RASGRF1: variants seen among roughly 807,000 people sequenced by gnomAD.
The protein encoded by RASGRF1 is ras-specific guanine nucleotide-releasing factor 1.
In RASGRF1, 40 loss-of-function variants were observed where a neutral mutation model predicts 138.7. That is an observed-to-expected ratio of 0.29 (90% CI 0.22 to 0.38). The LOEUF (loss-of-function observed/expected upper bound fraction) is 0.38. Among genes scored for constraint, RASGRF1 ranks in the 10% least tolerant of loss-of-function variants. RASGRF1 has a pLI of 1.00. For synonymous variants in RASGRF1, 614 were observed against 663.2 expected (o/e 0.93, Z 1.14); for missense variants, 1,108 against 1,650.4 (o/e 0.67, Z 5.69).
Position 78,961,602 on chromosome 15 carries a change from A to C in RASGRF1, c.*542T>G, listed in dbSNP as rs1351443399. 6.5e-6 allele frequency: 1 copy of C among 154,736 alleles called. No homozygotes were observed. The highest frequency in any genetic ancestry group is 2.4e-5 in the African/African-American group (1 of 41,470). The allele number at this position is 154,736 out of a possible 1,614,324, so 9.6% of individuals were successfully genotyped here. ...TTCCGTCCAGGTTACTGGGAGACAC[A>C]TGGGGAGTTTTGAGACCTGCGATTT... On this transcript the variant is annotated 3_prime_UTR_variant, in exon 27 of 27. Transcript: ENST00000558480.
intron 14 of RASGRF1, chr15:79,005,718 TCTCC>T (rs3833003): frequency 0.25 from 142,938 of 566,772 alleles, 30,015 homozygotes; most frequent in East Asian, 0.76. Flanking sequence ...AAGAGTCCTT[TCTCC>T]CTCCCTCCCT....
chr15:79,002,938 G>A (rs953145349), intron 15 of RASGRF1, among the ~76,000 whole-genome samples: 14 of 152,234 alleles, frequency 9.2e-5, no homozygotes, highest in African/African-American at 2.7e-4. Flanking sequence ...ACGTGGGTGC[G>A]TGCGTGTGTG....
chr15:79,004,250 G>A (rs745372227), intron 14 of RASGRF1, 75 bp from the exon 15 acceptor site: 107 of 1,482,716 alleles, frequency 7.2e-5, no homozygotes, highest in Middle Eastern at 2.1e-4. Context: ...GGCCGTCTCC[G>A]GTGGGGCTCG....
chr15:79,063,759 G>A (rs2057639612), intron 2 of RASGRF1, among the ~76,000 whole-genome samples: 1 of 152,154 alleles, frequency 6.6e-6, no homozygotes, highest in African/African-American at 2.4e-5. Context: ...CCCTAACCAT[G>A]TTCAGCTCTG....
chr15:79,035,273 G>T, intron 5 of RASGRF1, 63 bp from the exon 6 acceptor site: 1 of 1,391,546 alleles, frequency 7.2e-7, no homozygotes, highest in Non-Finnish European at 1.0e-6. Flanking sequence ...AGAGGTGACT[G>T]TCCCCAAACC....
rs1274235042 is a variant in RASGRF1, at chr15:79,063,030, GC to G, written c.383+1389del. ...TCTGACTCCCAATCCCCTTACTCAGGCCAAATCTTACCCTATTTCCAGCTTC... is the reference window on the plus strand; with the variant it reads ...TCTGACTCCCAATCCCCTTACTCAGGCAAATCTTACCCTATTTCCAGCTTC... On this transcript the variant is annotated intron_variant, in intron 2 of 26. Transcript: ENST00000558480. 2.0e-5 allele frequency among the ~76,000 whole-genome samples: 3 copies of G among 152,058 alleles called. No individual in the cohort carries two copies. The East Asian group carries it at 5.8e-4, about 29-fold the overall frequency.
intron 24 of RASGRF1, among the ~76,000 whole-genome samples, chr15:78,978,215 C>CTTTTT (rs2055915117): frequency 5.0e-4 from 40 of 79,342 alleles, no homozygotes; most frequent in African/African-American, 2.0e-3. Flanking sequence ...TTTTTCTTTT[C>CTTTTT]TTTTGTTTTT....
At chr15:79,021,408 C>T (rs1039138359) in intron 10 of RASGRF1, among the ~76,000 whole-genome samples, 4 of 152,216 alleles carry the variant, frequency 2.6e-5, no homozygotes, top group Admixed American at 2.0e-4. Context: ...TCTTTGGTGG[C>T]CTTGGGTTAG....
chr15:79,037,365 G>A (rs1023153476), intron 5 of RASGRF1, among the ~76,000 whole-genome samples: 2 of 152,058 alleles, frequency 1.3e-5, no homozygotes, highest in African/African-American at 4.8e-5. Flanking sequence ...TCTCACAGAC[G>A]GATGGTGGGG....
intron 1 of RASGRF1, among the ~76,000 whole-genome samples, chr15:79,077,154 T>C (rs1393187971): frequency 2.0e-5 from 3 of 152,172 alleles, no homozygotes; most frequent in African/African-American, 7.2e-5. Context: ...TTTGGGAAGA[T>C]CTATTAATAT....
chr15:79,008,081 T>C (rs2056720593), intron 13 of RASGRF1, among the ~76,000 whole-genome samples: 1 of 152,176 alleles, frequency 6.6e-6, no homozygotes, highest in Non-Finnish European at 1.5e-5. Context: ...GACCTCTTGA[T>C]CCACCTGCCT....
At chr15:78,997,816 T>G in intron 19 of RASGRF1, 1 of 443,546 alleles carries the variant, frequency 2.3e-6, no homozygotes, top group Non-Finnish European at 4.1e-6. Context: ...TAGACAGGGG[T>G]TAGCAGCTGT....
At chr15:79,040,024 G>A (rs1046766073) in intron 5 of RASGRF1, among the ~76,000 whole-genome samples, 5 of 152,160 alleles carry the variant, frequency 3.3e-5, no homozygotes, top group African/African-American at 9.7e-5. Flanking sequence ...TGCCTCGAAA[G>A]TGCAGGGATT....
At chr15:79,018,316 T>C (rs1001310658) in intron 11 of RASGRF1, among the ~76,000 whole-genome samples, 2 of 152,248 alleles carry the variant, frequency 1.3e-5, no homozygotes, top group African/African-American at 2.4e-5. Flanking sequence ...TGGGGCCAAA[T>C]GAGGAACTTC....
Position 79,003,845 on chromosome 15 carries a change from C to G in RASGRF1, c.2406G>C (p.Thr802=). 5.0e-6 allele frequency: 8 copies of G among 1,612,670 alleles called. No individual in the cohort carries two copies. Among genetic ancestry groups the G allele is most frequent in the Non-Finnish European group, 6.8e-6 (8 of 1,179,426 alleles). The change falls in exon 15 of 27, where the codon ACG becomes ACC. Residue 802 remains threonine, a synonymous_variant. Coordinates refer to ENST00000558480, the MANE Select transcript of RASGRF1 (RefSeq NM_001145648.3). ...AAGGGTCTTCGGGCTTCTCAGGGGTCGTATCGCCCTCATCTGGAATCTTGT... is the reference window on the plus strand; with the variant it reads ...AAGGGTCTTCGGGCTTCTCAGGGGTGGTATCGCCCTCATCTGGAATCTTGT... ...FTNKIPDEGD[T]TPEKPEDPSA...
rs1269115651 is a variant in RASGRF1, at chr15:79,059,277, TCCTTCCCTTCCCTTCCCTATCCTTC to T, written c.384-821_384-797del. Among the ~76,000 whole-genome samples the T allele has an allele frequency of 7.6e-3, 384 of 50,304 alleles. 6 individuals carry two copies. The highest frequency in any genetic ancestry group is 0.013 in the Non-Finnish European group (331 of 26,314). 33.0% of individuals were successfully genotyped at this position (50,304 alleles called of 152,430 possible). ...TCCTTCCCTTCCCTTCCCTTCCCTA[TCCTTCCCTTCCCTTCCCTATCCTTC>T]CCTTCCCTTCCCTATCCTTCCCTTC... On this transcript the variant is annotated intron_variant, in intron 2 of 26. Coordinates refer to ENST00000558480, the MANE Select transcript of RASGRF1 (RefSeq NM_001145648.3).
At chr15:79,028,225 A>G (rs2057088073) in intron 8 of RASGRF1, among the ~76,000 whole-genome samples, 2 of 152,142 alleles carry the variant, frequency 1.3e-5, no homozygotes, top group Non-Finnish European at 2.9e-5. Context: ...CACAGGAGAC[A>G]TCCTGTGTTC....
chr15:79,015,434 G>T, intron 12 of RASGRF1, 25 bp from the exon 13 acceptor site: 1 of 1,595,456 alleles, frequency 6.3e-7, no homozygotes, highest in Non-Finnish European at 8.6e-7. Flanking sequence ...AGGACCCCAG[G>T]GTCAGAGCTC....
At chr15:79,063,152 C>A (rs531414487) in intron 2 of RASGRF1, among the ~76,000 whole-genome samples, 1 of 152,304 alleles carries the variant, frequency 6.6e-6, no homozygotes, top group South Asian at 2.1e-4. Flanking sequence ...GCTACCTGTG[C>A]ATATGTCTAA....
Sources: allele counts gnomAD v4.1 joint callset (sites outside exome capture counted in the v4.1 genomes callset), GRCh38; gene constraint gnomAD v4.1.1; transcripts MANE v1.5; gene names NCBI Gene and HGNC (gene_info 2026-07-23, HGNC 2026-07-21).